The following ANKRD30A variants were observed in gnomAD, a reference collection of about 807,000 sequenced individuals.
The protein encoded by ANKRD30A is ankyrin repeat domain 30A.
In ANKRD30A, 170 loss-of-function variants were observed where a neutral mutation model predicts 166.3. That is an observed-to-expected ratio of 1.02 (90% CI 0.90 to 1.16). The LOEUF is 1.16. Among genes scored for constraint, ANKRD30A ranks in the 50% most tolerant of loss-of-function variants. ANKRD30A has a pLI of 0.00. For synonymous variants in ANKRD30A, 564 were observed against 508.9 expected (o/e 1.11, Z -1.46); for missense variants, 1,630 against 1,518.0 (o/e 1.07, Z -1.23).
intron 15 of ANKRD30A, among the ~76,000 whole-genome samples, chr10:37,161,946 A>T (rs1164551506): frequency 6.6e-6 from 1 of 152,204 alleles, no homozygotes; most frequent in East Asian, 1.9e-4. Context: ...TGACTTAACA[A>T]TATAAAAAAG....
At position 37,134,071 on chromosome 10, in the gene ANKRD30A, G is replaced by C; in HGVS notation, c.755+18G>C. 4 of 1,611,376 alleles carry C rather than the reference G, an allele frequency of 2.5e-6. No homozygotes were observed. Among genetic ancestry groups the C allele is most frequent in the South Asian group, 1.1e-5 (1 of 90,766 alleles). ...TTTCATCAGTAAGTGTTTACGTTTA[G>C]AGGCTAGGTGAGATTTTATAGTTTG... On this transcript the variant is annotated intron_variant, in intron 5 of 35. Coordinates refer to ENST00000361713, the MANE Select transcript of ANKRD30A (RefSeq NM_052997.3).
At chr10:37,198,407 T>G (rs1281132824) in intron 29 of ANKRD30A, among the ~76,000 whole-genome samples, 3 of 152,152 alleles carry the variant, frequency 2.0e-5, no homozygotes, top group Admixed American at 2.0e-4. Context: ...CATAGTTAAC[T>G]GCACAATTTT....
At chr10:37,199,129 T>C (rs1167533594) in intron 29 of ANKRD30A, among the ~76,000 whole-genome samples, 1 of 152,100 alleles carries the variant, frequency 6.6e-6, no homozygotes, top group African/African-American at 2.4e-5. Flanking sequence ...AAAGCAGTTC[T>C]TAATTCATAT....
intron 21 of ANKRD30A, among the ~76,000 whole-genome samples, chr10:37,171,718 T>C (rs1165406843): frequency 6.6e-6 from 1 of 151,212 alleles, no homozygotes; most frequent in Non-Finnish European, 1.5e-5. Context: ...TAAAAAGATA[T>C]AAATCAAACA....
rs1487484708 is a variant in ANKRD30A at position 37,219,688 on chromosome 10, C to CTTT, written c.3977_3978insTTT (p.Leu1326dup). 6.2e-7 allele frequency: 1 copy of CTTT among 1,609,210 alleles called. No individual in the cohort carries two copies. The highest frequency in any genetic ancestry group is 1.3e-5 in the African/African-American group (1 of 74,512). ...GTCTCTAGATCAGAAATTATTTCAA[C>CTTT]TACAAAGCAAAAATATGTGGCTTCA... On this transcript the variant is annotated inframe_insertion, in exon 34 of 36. Coordinates refer to ENST00000361713, the MANE Select transcript of ANKRD30A (RefSeq NM_052997.3).
rs1217262390 is a variant in ANKRD30A, at chr10:37,126,971, C to G, written c.221+963C>G. Among the ~76,000 whole-genome samples, 6 of 135,672 alleles carry G rather than the reference C, an allele frequency of 4.4e-5. No homozygotes were observed. In the South Asian group the frequency reaches 1.4e-3, roughly 33 times the overall value. 89.0% of individuals were successfully genotyped at this position (135,672 alleles called of 152,430 possible). A position where few individuals can be genotyped will look rare whatever the true frequency, so the allele number is the denominator to read the frequency against. On this transcript the variant is annotated intron_variant, in intron 1 of 35. Coordinates refer to ENST00000361713, the MANE Select transcript of ANKRD30A (RefSeq NM_052997.3). ...CTGAGGCGGGAGAATCGCTTGAACC[C>G]GGTAGGCGGAGATTGCAGAGAGCCG...
At chr10:37,149,964 G>A in intron 11 of ANKRD30A, 115 bp downstream of exon 11, 1 of 1,414,198 alleles carries the variant, frequency 7.1e-7, no homozygotes, top group Non-Finnish European at 9.6e-7. Flanking sequence ...ATTTGATCTA[G>A]ATAATGCCAA....
At chr10:37,265,666 C>CTGAGTAGA in the ANKRD30A span, among the ~76,000 whole-genome samples, 1 of 152,190 alleles carries the variant, frequency 6.6e-6, no homozygotes, top group Admixed American at 6.5e-5. Flanking sequence ...GGGGTGTGCA[C>CTGAGTAGA]TGAGTAGATT....
Position 37,172,634 on chromosome 10 carries a change from C to CT in ANKRD30A, c.2258-1077dup, listed in dbSNP as rs1182405137. On this transcript the variant is annotated intron_variant, in intron 21 of 35. Coordinates refer to ENST00000361713, the MANE Select transcript of ANKRD30A (RefSeq NM_052997.3). ...ATGTAGGCAGGTAATTCTGGAGACTCTGAGAAGAACAGTTGAGTGAACTCA... is the reference window on the plus strand; with the variant it reads ...ATGTAGGCAGGTAATTCTGGAGACTCTTGAGAAGAACAGTTGAGTGAACTCA... 2.0e-3 allele frequency among the ~76,000 whole-genome samples: 243 copies of CT among 123,696 alleles called. No individual in the cohort carries two copies. In the Middle Eastern group the frequency reaches 0.022, roughly 11 times the overall value. The allele number at this position is 123,696 out of a possible 152,430, so 81.1% of individuals were successfully genotyped here.
the ANKRD30A span, chr10:37,241,013 A>G: frequency 1.3e-5 from 2 of 152,268 alleles, no homozygotes; most frequent in East Asian, 1.9e-4. Context: ...ATGCACAACT[A>G]CGGGTGAGTT....
intron 31 of ANKRD30A, 89 bp downstream of exon 31, chr10:37,201,414 T>C: frequency 1.0e-6 from 1 of 1,001,878 alleles, no homozygotes; most frequent in Non-Finnish European, 1.4e-6. Flanking sequence ...CTGAAGAAAA[T>C]TACCTCCTAA....
chr10:37,206,969 CAATT>C (rs769685948), intron 31 of ANKRD30A, among the ~76,000 whole-genome samples: 117 of 151,952 alleles, frequency 7.7e-4, no homozygotes, highest in Non-Finnish European at 1.4e-3. Context: ...TAATATTTAA[CAATT>C]AAGTTGTTGA....
chr10:37,179,311 A>C (rs1398627710), intron 24 of ANKRD30A, among the ~76,000 whole-genome samples: 1 of 150,918 alleles, frequency 6.6e-6, no homozygotes, highest in African/African-American at 2.4e-5. Flanking sequence ...TTAACGTAGA[A>C]AATGTTATTA....
rs938475998 is a variant in ANKRD30A, at chr10:37,125,724, G to T, written c.-64G>T. The T allele has an allele frequency of 1.3e-5, 7 of 551,612 alleles. No individual in the cohort carries two copies. The highest frequency in any genetic ancestry group is 2.3e-5 in the Non-Finnish European group (7 of 304,680). The allele number at this position is 551,612 out of a possible 1,614,324, so 34.2% of individuals were successfully genotyped here. A position where few individuals can be genotyped will look rare whatever the true frequency, so the allele number is the denominator to read the frequency against. ...AGGGCGAGGGCGATTGGGGAGGGGT[G>T]GGGGGTGGTGGCTGGGAAGGGCGAT... On this transcript the variant is annotated 5_prime_UTR_variant, in exon 1 of 36. Transcript: ENST00000361713.
At chr10:37,262,844 T>A in the ANKRD30A span, among the ~76,000 whole-genome samples, 1 of 152,050 alleles carries the variant, frequency 6.6e-6, no homozygotes, top group Non-Finnish European at 1.5e-5. Flanking sequence ...ACTAAAAAAA[T>A]TTAATTTCCA....
At chr10:37,252,836 A>G in the ANKRD30A span, among the ~76,000 whole-genome samples, 1 of 152,200 alleles carries the variant, frequency 6.6e-6, no homozygotes, top group South Asian at 2.1e-4. Flanking sequence ...TGCTTGTCAT[A>G]TATAAGTGCT....
At position 37,191,564 on chromosome 10, in the gene ANKRD30A, T is replaced by G. The variant is rs2801971; in HGVS notation, c.2513-1500T>G. ...TTGCTCCTGTGATTCCAGATCAGTT[T>G]TCTCCTTATCAGTCAGCATATACAT... On this transcript the variant is annotated intron_variant, in intron 25 of 35. Coordinates refer to ENST00000361713, the MANE Select transcript of ANKRD30A (RefSeq NM_052997.3). 2.8e-3 allele frequency among the ~76,000 whole-genome samples: 418 copies of G among 151,412 alleles called. 9 individuals carry two copies. The South Asian group carries it at 0.041, about 15-fold the overall frequency.
chr10:37,233,215 A>G (rs201216373), downstream of ANKRD30A, among the ~76,000 whole-genome samples: 2 of 152,136 alleles, frequency 1.3e-5, no homozygotes, highest in East Asian at 1.9e-4. Context: ...CATAAATTTG[A>G]TGATCCCAGC....
intron 25 of ANKRD30A, among the ~76,000 whole-genome samples, chr10:37,190,236 C>T (rs573613958): frequency 1.1e-4 from 17 of 151,906 alleles, no homozygotes; most frequent in Admixed American, 1.3e-4. Context: ...GAGATTCAGC[C>T]GACTTGGGAT....
Sources: gnomAD v4.1 joint callset for allele counts (sites outside exome capture counted in the v4.1 genomes callset) on GRCh38, gnomAD v4.1.1 for gene constraint, MANE v1.5 for transcripts, NCBI Gene and HGNC (gene_info 2026-07-23, HGNC 2026-07-21) for gene names.